Variants in SCYL3 observed in about 807,000 individuals in gnomAD.
SCYL3 encodes the protein SCY1 like pseudokinase 3, also known as protein-associating with the carboxyl-terminal domain of ezrin.
In SCYL3, 35 loss-of-function variants were observed where a neutral mutation model predicts 73.8. That is an observed-to-expected ratio of 0.47 (90% CI 0.36 to 0.63). SCYL3 has a LOEUF of 0.63. SCYL3 is among the 20% of genes least tolerant of loss of function. The pLI is 0.00. For missense variants in SCYL3, 712 were observed against 798.9 expected, an observed-to-expected ratio of 0.89 and a Z score of 1.31; for synonymous variants, 277 against 295.2, an observed-to-expected ratio of 0.94 and a Z score of 0.63.
In SCYL3 at chr1:169,854,792, A is replaced by G. The variant is rs1253677495; in HGVS notation, c.1485T>C (p.Pro495=). The change falls in exon 12 of 13, where the codon CCT becomes CCC. Residue 495 remains proline, a synonymous_variant. Transcript: ENST00000367771. ...ENQTVNIQIW[P]REPCDDVKSQ... is the part of the protein sequence containing the mutation. ...ACTTGACATCATCACAAGGTTCTCT[A>G]GGCCAAATCTGTATGTTGACAGTTT... The G allele has an allele frequency of 6.2e-7, 1 of 1,613,932 alleles. No homozygotes were observed. The highest frequency in any genetic ancestry group is 8.5e-7 in the Non-Finnish European group (1 of 1,179,964).
upstream of SCYL3, chr1:169,894,079 A>T (rs897635638): frequency 6.6e-6 from 1 of 152,300 alleles, no homozygotes; most frequent in Middle Eastern, 3.2e-3. Flanking sequence ...CGCCGCGACG[A>T]TACCGAGTTT....
chr1:169,869,631 A>G (rs1227873726), intron 6 of SCYL3, among the ~76,000 whole-genome samples: 1 of 152,238 alleles, frequency 6.6e-6, no homozygotes, highest in African/African-American at 2.4e-5. Context: ...TAAGGGGCCT[A>G]CTGTGACACA....
intron 2 of SCYL3, among the ~76,000 whole-genome samples, chr1:169,881,282 ATTTT>A: frequency 6.6e-6 from 1 of 152,044 alleles, no homozygotes; most frequent in East Asian, 1.9e-4. Flanking sequence ...TGCCCTATTT[ATTTT>A]TAATTTTCTT....
intron 2 of SCYL3, among the ~76,000 whole-genome samples, chr1:169,879,292 A>G (rs761162046): frequency 4.2e-4 from 64 of 152,338 alleles, no homozygotes; most frequent in Middle Eastern, 3.4e-3. Flanking sequence ...AAAGGTGCTA[A>G]AAGTCCAGTA....
chr1:169,880,779 T>G (rs1661183389), intron 2 of SCYL3, among the ~76,000 whole-genome samples: 1 of 149,296 alleles, frequency 6.7e-6, no homozygotes, highest in African/African-American at 2.4e-5. Context: ...TTTTTTTTTT[T>G]GAGACGGGGT....
intron 8 of SCYL3, among the ~76,000 whole-genome samples, chr1:169,865,694 C>T (rs1659987016): frequency 6.6e-6 from 1 of 152,208 alleles, no homozygotes; most frequent in Admixed American, 6.5e-5. Flanking sequence ...GTTCACTTCT[C>T]AGCCCAATGC....
At chr1:169,885,648 A>G (rs1232061251) in intron 2 of SCYL3, among the ~76,000 whole-genome samples, 1 of 152,186 alleles carries the variant, frequency 6.6e-6, no homozygotes, top group Non-Finnish European at 1.5e-5. Flanking sequence ...TCATAAACTA[A>G]CAATAAAATG....
intron 1 of SCYL3, among the ~76,000 whole-genome samples, chr1:169,893,191 T>G (rs61326145): frequency 1.3e-5 from 2 of 152,082 alleles, no homozygotes; most frequent in Non-Finnish European, 2.9e-5. Flanking sequence ...GAATTTCACA[T>G]GGATTCCTGA....
chr1:169,885,568 T>C (rs1661623749), intron 2 of SCYL3, among the ~76,000 whole-genome samples: 1 of 151,446 alleles, frequency 6.6e-6, no homozygotes, highest in Admixed American at 6.6e-5. Context: ...CCTTTTTCTC[T>C]GAAGATGTAA....
At chr1:169,861,815 T>C (rs1056229691) in intron 10 of SCYL3, among the ~76,000 whole-genome samples, 10 of 152,306 alleles carry the variant, frequency 6.6e-5, no homozygotes, top group East Asian at 3.9e-4. Flanking sequence ...TTCATGTCCA[T>C]GCAGAATGTG....
At chr1:169,894,024 A>C (rs75851226), upstream of SCYL3, 10,237 of 152,280 alleles carry the variant, frequency 0.067, 446 homozygotes, top group Non-Finnish European at 0.1. Context: ...CGAGGTAGAG[A>C]GGCCGCACAG....
intron 8 of SCYL3, among the ~76,000 whole-genome samples, chr1:169,865,573 T>C (rs1205104129): frequency 6.6e-6 from 1 of 152,196 alleles, no homozygotes; most frequent in Non-Finnish European, 1.5e-5. Flanking sequence ...TTCCCTCGTC[T>C]ATTAATATGC....
At chr1:169,870,450 T>G in intron 5 of SCYL3, 93 bp from the exon 6 acceptor site, 1 of 780,166 alleles carries the variant, frequency 1.3e-6, no homozygotes, top group Non-Finnish European at 2.2e-6. Flanking sequence ...TTTGTATTTA[T>G]TATACTCAAA....
rs1658277215 is a variant in SCYL3, at chr1:169,851,251, GAATT to G, written c.*2458_*2461del. 2 of 152,542 alleles carry G rather than the reference GAATT, an allele frequency of 1.3e-5. No individual in the cohort carries two copies. The highest frequency in any genetic ancestry group is 4.9e-5 in the African/African-American group (2 of 41,076). 9.4% of individuals were successfully genotyped at this position (152,542 alleles called of 1,614,324 possible). A position where few individuals can be genotyped will look rare whatever the true frequency, so the allele number is the denominator to read the frequency against. ...CAAATTTAGACTACCAGGAGAAACT[GAATT>G]ATTTGATATATTACATGTAATGATG... On this transcript the variant is annotated 3_prime_UTR_variant, in exon 13 of 13. Transcript: ENST00000367771.
intron 7 of SCYL3, 103 bp downstream of exon 7, chr1:169,868,825 T>A: frequency 1.4e-6 from 1 of 696,692 alleles, no homozygotes; most frequent in Non-Finnish European, 2.5e-6. Flanking sequence ...AGAAACTGCA[T>A]CATTTGGTCC....
Position 169,852,841 on chromosome 1 carries a change from T to C in SCYL3, c.*872A>G, listed in dbSNP as rs1658583508. On this transcript the variant is annotated 3_prime_UTR_variant, in exon 13 of 13. Coordinates refer to ENST00000367771, the MANE Select transcript of SCYL3 (RefSeq NM_020423.7). ...GTTCCCCTGGGAAGAAGAGTACAGGTCAGCGCTGCATACAATAGCAGGGGC... is the reference window on the plus strand; with the variant it reads ...GTTCCCCTGGGAAGAAGAGTACAGGCCAGCGCTGCATACAATAGCAGGGGC... The C allele has an allele frequency of 6.2e-6, 10 of 1,614,020 alleles. No homozygotes were observed. The highest frequency in any genetic ancestry group is 8.5e-6 in the Non-Finnish European group (10 of 1,179,994).
At chr1:169,855,669 G>A in intron 11 of SCYL3, 1 of 846,598 alleles carries the variant, frequency 1.2e-6, no homozygotes, top group Non-Finnish European at 1.8e-6. Context: ...AACAAGATGA[G>A]ACCAAAGCTG....
chr1:169,864,639 G>T lies in SCYL3; in HGVS notation c.816-131C>A, dbSNP rs1659898410. The T allele has an allele frequency of 8.3e-6, 8 of 964,364 alleles. No homozygotes were observed. The South Asian group carries it at 1.3e-4, about 16-fold the overall frequency. 59.7% of individuals were successfully genotyped at this position (964,364 alleles called of 1,614,324 possible). ...TGCATTTGAAATGGAGATAGAGAAGGTGAACAGATTGGTCCCCAAGTACTT... is the reference window on the plus strand; with the variant it reads ...TGCATTTGAAATGGAGATAGAGAAGTTGAACAGATTGGTCCCCAAGTACTT... On this transcript the variant is annotated intron_variant, in intron 8 of 12. Transcript: ENST00000367771.
intron 5 of SCYL3, among the ~76,000 whole-genome samples, chr1:169,872,044 A>G (rs911078796): frequency 6.6e-6 from 1 of 152,254 alleles, no homozygotes; most frequent in African/African-American, 2.4e-5. Flanking sequence ...AGAAGTTTGC[A>G]TAAGTAATGA....
Sources: gnomAD v4.1 joint callset for allele counts (sites outside exome capture counted in the v4.1 genomes callset) on GRCh38, gnomAD v4.1.1 for gene constraint, MANE v1.5 for transcripts, NCBI Gene and HGNC (gene_info 2026-07-23, HGNC 2026-07-21) for gene names.